Variants in DMD observed in about 807,000 individuals in gnomAD.
DMD encodes dystrophin, also known as mutant dystrophin.
A neutral mutation model predicts 330.1 loss-of-function variants in DMD; 63 were observed. The ratio of observed to expected loss-of-function variants is 0.19; its 90% CI spans 0.16 to 0.24. The LOEUF (loss-of-function observed/expected upper bound fraction) is 0.24. Among genes scored for constraint, DMD ranks in the 10% least tolerant of loss-of-function variants. DMD has a pLI of 1.00. For synonymous variants in DMD, 1,223 were observed against 959.8 expected (o/e 1.27, Z -5.07); for missense variants, 3,344 against 2,684.1 (o/e 1.25, Z -5.43).
At chrX:31,721,716 C>A (rs910952461) in intron 52 of DMD, among the ~76,000 whole-genome samples, 11,222 of 52,972 alleles carry the variant, frequency 0.21, 1,422 homozygotes, top group African/African-American at 0.49. Context: ...CTCTCTCTCT[C>A]TCTATATATA....
intron 16 of DMD, among the ~76,000 whole-genome samples, chrX:32,563,958 C>A (rs945539836): frequency 1.8e-5 from 2 of 111,241 alleles, no homozygotes; most frequent in African/African-American, 6.5e-5. Flanking sequence ...ATTTCATCAC[C>A]CAGGTATTAA....
At chrX:32,757,348 T>C (rs2071631213) in intron 7 of DMD, among the ~76,000 whole-genome samples, 1 of 111,729 alleles carries the variant, frequency 9.0e-6, no homozygotes, top group Non-Finnish European at 1.9e-5. Context: ...TAATAGAAAA[T>C]GTTGAGACAT....
intron 1 of DMD, chrX:33,128,180 A>T: frequency 8.3e-7 from 1 of 1,205,870 alleles, no homozygotes; most frequent in Non-Finnish European, 1.1e-6. Context: ...AATTCTGCGG[A>T]GGCTGGCTAC....
chrX:33,202,371 C>T (rs1468314012), intron 1 of DMD, among the ~76,000 whole-genome samples: 2 of 111,698 alleles, frequency 1.8e-5, no homozygotes, highest in Non-Finnish European at 3.8e-5. Context: ...CTTAATCTCC[C>T]TGTACCTCTA....
intron 47 of DMD, among the ~76,000 whole-genome samples, chrX:31,927,230 T>C (rs774005884): frequency 4.3e-4 from 48 of 112,061 alleles, no homozygotes; most frequent in African/African-American, 1.5e-3. Context: ...AATTTTGGCA[T>C]AGGAAACAGA....
chrX:31,827,679 T>G (rs983883602), intron 49 of DMD, among the ~76,000 whole-genome samples: 4 of 111,645 alleles, frequency 3.6e-5, no homozygotes, highest in Non-Finnish European at 5.6e-5. Context: ...GACCACAAAG[T>G]CTTAATAAAT....
At chrX:33,101,617 C>T (rs2095240343) in intron 1 of DMD, among the ~76,000 whole-genome samples, 1 of 109,330 alleles carries the variant, frequency 9.1e-6, no homozygotes, top group African/African-American at 3.3e-5. Context: ...GGCAACAGAG[C>T]AAGACTCCAT....
intron 51 of DMD, among the ~76,000 whole-genome samples, chrX:31,740,187 C>T (rs1271381776): frequency 2.7e-5 from 3 of 111,654 alleles, no homozygotes; most frequent in African/African-American, 6.5e-5. Context: ...GATTTGCAAA[C>T]GCATTTCTAA....
At chrX:32,418,353 G>A (rs1017718574) in intron 29 of DMD, among the ~76,000 whole-genome samples, 1 of 111,244 alleles carries the variant, frequency 9.0e-6, no homozygotes, top group Non-Finnish European at 1.9e-5. Flanking sequence ...AATGGTTTAC[G>A]GGAGGTCTGA....
At chrX:33,123,884 G>T (rs1216533277) in intron 1 of DMD, among the ~76,000 whole-genome samples, 2 of 110,609 alleles carry the variant, frequency 1.8e-5, no homozygotes, top group East Asian at 5.7e-4. Flanking sequence ...GAAATAAAAG[G>T]CTGGGCGTTG....
chrX:32,573,916 A>G, intron 13 of DMD, 70 bp from the exon 14 acceptor site: 1 of 928,354 alleles, frequency 1.1e-6, no homozygotes, highest in Non-Finnish European at 1.5e-6. Context: ...AAATGGCATG[A>G]ATAATTTGCC....
At chrX:32,776,773 T>C (rs1283834247) in intron 7 of DMD, among the ~76,000 whole-genome samples, 1 of 111,849 alleles carries the variant, frequency 8.9e-6, no homozygotes, top group Non-Finnish European at 1.9e-5. Flanking sequence ...ATAAATTGTT[T>C]CCAATACAAT....
chrX:31,474,364 T>C (rs906809191), intron 59 of DMD, among the ~76,000 whole-genome samples: 1 of 110,752 alleles, frequency 9.0e-6, no homozygotes, highest in Non-Finnish European at 1.9e-5. Flanking sequence ...GGGGGTACTA[T>C]GATAGAGTGT....
Position 32,191,350 on chromosome X carries a change from C to T in DMD, c.6438+25566G>A, listed in dbSNP as rs150095831. On this transcript the variant is annotated intron_variant, in intron 44 of 78. Coordinates refer to ENST00000357033, the MANE Select transcript of DMD (RefSeq NM_004006.3). ...ATCTTTCATTACCTAGATGACACAG[C>T]GTCGAGGCTTCTCAATGTATGAACA... Among the ~76,000 whole-genome samples, 285 of 112,090 alleles carry T rather than the reference C, an allele frequency of 2.5e-3. 1 individual carries two copies. The highest frequency in any genetic ancestry group is 8.2e-3 in the African/African-American group (253 of 30,855).
At position 32,869,125 on chromosome X, in the gene DMD, G is replaced by A. The variant is rs147889875; in HGVS notation, c.94-19305C>T. On this transcript the variant is annotated intron_variant, in intron 2 of 78. Coordinates refer to ENST00000357033, the MANE Select transcript of DMD (RefSeq NM_004006.3). ...TGCAGAAGGGACCCAGGTGAATGGG[G>A]TCTGGAGCGAACCCCCAACAAACTG... Among the ~76,000 whole-genome samples the A allele has an allele frequency of 8.2e-3, 907 of 111,112 alleles. 12 individuals are homozygous for A. The highest frequency in any genetic ancestry group is 0.028 in the African/African-American group (848 of 30,532).
chrX:32,393,073 T>G (rs2098015479), intron 30 of DMD, among the ~76,000 whole-genome samples: 1 of 112,414 alleles, frequency 8.9e-6, no homozygotes, highest in Non-Finnish European at 1.9e-5. Flanking sequence ...ATGGCTATCA[T>G]AAATAACCAA....
chrX:32,299,434 C>T (rs1011273635), intron 42 of DMD, among the ~76,000 whole-genome samples: 1 of 109,910 alleles, frequency 9.1e-6, no homozygotes, highest in South Asian at 3.8e-4. Flanking sequence ...CCAGCAGAGA[C>T]ACTTGAAAGG....
intron 1 of DMD, among the ~76,000 whole-genome samples, chrX:33,225,529 A>G (rs2052269544): frequency 8.9e-6 from 1 of 111,834 alleles, no homozygotes; most frequent in Admixed American, 9.5e-5. Context: ...AAGAAGAAAA[A>G]GAACCTTGAC....
chrX:32,558,968 TGA>T (rs2050684557), intron 16 of DMD, among the ~76,000 whole-genome samples: 1 of 68,168 alleles, frequency 1.5e-5, no homozygotes, highest in Non-Finnish European at 2.7e-5. Context: ...TTTTTTTTTT[TGA>T]GACGAAGTCT....
Sources: gnomAD v4.1 joint callset for allele counts (sites outside exome capture counted in the v4.1 genomes callset) on GRCh38, gnomAD v4.1.1 for gene constraint, MANE v1.5 for transcripts, NCBI Gene and HGNC (gene_info 2026-07-23, HGNC 2026-07-21) for gene names.